PCDH15: variants seen among roughly 807,000 people sequenced by gnomAD.
The protein encoded by PCDH15 is protocadherin related 15, also known as protocadherin-15.
A neutral mutation model predicts 178.5 loss-of-function variants in PCDH15; 129 were observed. That is an observed-to-expected ratio of 0.72 (90% CI 0.63 to 0.84). The LOEUF (loss-of-function observed/expected upper bound fraction) is 0.84, where lower values mean the gene tolerates loss of function less well. Ranked by LOEUF, PCDH15 falls within the 40% of genes least tolerant of loss-of-function variation. The pLI is 0.00. For synonymous variants in PCDH15, 800 were observed against 732.0 expected (o/e 1.09, Z -1.50); for missense variants, 2,230 against 2,099.9 (o/e 1.06, Z -1.21).
At chr10:54,948,381 C>T (rs1436040897) in intron 2 of PCDH15, among the ~76,000 whole-genome samples, 2 of 151,888 alleles carry the variant, frequency 1.3e-5, no homozygotes, top group Non-Finnish European at 2.9e-5. Flanking sequence ...GAGGCCCACC[C>T]ACATTAGAGA....
At chr10:54,679,208 A>C (rs2094853540) in intron 1 of PCDH15, among the ~76,000 whole-genome samples, 5 of 151,660 alleles carry the variant, frequency 3.3e-5, no homozygotes, top group Admixed American at 3.3e-4. Context: ...AAAAAAAAAA[A>C]AAACATACAA....
chr10:54,219,392 C>T (rs2052514366), intron 9 of PCDH15, among the ~76,000 whole-genome samples: 1 of 150,522 alleles, frequency 6.6e-6, no homozygotes, highest in African/African-American at 2.4e-5. Flanking sequence ...AGATCGAGAC[C>T]ATCCTGGCTA....
At chr10:54,113,385 T>C (rs1389437487) in intron 15 of PCDH15, among the ~76,000 whole-genome samples, 2 of 152,182 alleles carry the variant, frequency 1.3e-5, no homozygotes, top group Admixed American at 6.5e-5. Context: ...CTCTACATCA[T>C]TCTCTGAGGC....
At chr10:53,837,954 T>C (rs531439354) in intron 29 of PCDH15, among the ~76,000 whole-genome samples, 6 of 122,338 alleles carry the variant, frequency 4.9e-5, no homozygotes, top group Admixed American at 3.6e-4. Flanking sequence ...TATAAACATA[T>C]ATTATTTATT....
At chr10:54,881,238 G>A (rs189508845) in intron 3 of PCDH15, among the ~76,000 whole-genome samples, 2 of 152,120 alleles carry the variant, frequency 1.3e-5, no homozygotes, top group Non-Finnish European at 2.9e-5. Flanking sequence ...ATTACTCAGC[G>A]GGGCCAGTAG....
chr10:54,705,101 A>T (rs1471077711), intron 1 of PCDH15, among the ~76,000 whole-genome samples: 1 of 152,152 alleles, frequency 6.6e-6, no homozygotes, highest in African/African-American at 2.4e-5. Context: ...GTTCTCACTT[A>T]TAAGTAGGAG....
intron 8 of PCDH15, among the ~76,000 whole-genome samples, chr10:54,254,761 G>A (rs1261904754): frequency 6.6e-6 from 1 of 152,182 alleles, no homozygotes; most frequent in Non-Finnish European, 1.5e-5. Flanking sequence ...TTTAACCACA[G>A]CAGGGTACTG....
intron 8 of PCDH15, among the ~76,000 whole-genome samples, chr10:54,245,781 G>C (rs1380361661): frequency 6.6e-6 from 1 of 151,916 alleles, no homozygotes; most frequent in Non-Finnish European, 1.5e-5. Flanking sequence ...TTGACAATAT[G>C]TATAGTATAG....
chr10:55,003,277 C>T (rs2131932653), intron 2 of PCDH15, among the ~76,000 whole-genome samples: 1 of 152,240 alleles, frequency 6.6e-6, no homozygotes, highest in Non-Finnish European at 1.5e-5. Context: ...CTCTGGAATG[C>T]AGTTTTCTGT....
At chr10:53,917,552 A>T (rs2083626872) in intron 25 of PCDH15, among the ~76,000 whole-genome samples, 1 of 152,212 alleles carries the variant, frequency 6.6e-6, no homozygotes, top group South Asian at 2.1e-4. Context: ...CATGGGCTGT[A>T]GTTATTGTCA....
chr10:55,306,336 T>G (rs1019980051), intron 1 of PCDH15, among the ~76,000 whole-genome samples: 1 of 152,238 alleles, frequency 6.6e-6, no homozygotes, highest in Non-Finnish European at 1.5e-5. Context: ...TGTTTTACAC[T>G]TGGGCTTTGC....
At chr10:54,288,643 A>G (rs1437771578) in intron 8 of PCDH15, among the ~76,000 whole-genome samples, 1 of 152,130 alleles carries the variant, frequency 6.6e-6, no homozygotes, top group Non-Finnish European at 1.5e-5. Context: ...ACCTGGAAAA[A>G]TGGGACACTC....
At chr10:54,197,493 T>C (rs961303178) in intron 10 of PCDH15, among the ~76,000 whole-genome samples, 2 of 152,106 alleles carry the variant, frequency 1.3e-5, no homozygotes, top group African/African-American at 4.8e-5. Context: ...TTTTGTTATG[T>C]TTTCCCCATT....
intron 17 of PCDH15, among the ~76,000 whole-genome samples, chr10:54,067,353 C>T (rs776657576): frequency 3.9e-5 from 6 of 152,096 alleles, no homozygotes; most frequent in East Asian, 3.9e-4. Context: ...CTCATGCTAT[C>T]GAAAAATGCT....
chr10:54,059,939 C>T (rs1277062976), intron 18 of PCDH15, among the ~76,000 whole-genome samples: 1 of 152,184 alleles, frequency 6.6e-6, no homozygotes, highest in Non-Finnish European at 1.5e-5. Context: ...CTAGAGCTGT[C>T]AGTCTATCCA....
At chr10:55,382,226 G>C (rs910798177) in intron 2 of PCDH15, among the ~76,000 whole-genome samples, 3 of 151,906 alleles carry the variant, frequency 2.0e-5, no homozygotes, top group African/African-American at 4.8e-5. Flanking sequence ...CCTCTGCCTT[G>C]GTAGGCAGAA....
intron 10 of PCDH15, among the ~76,000 whole-genome samples, chr10:54,204,437 T>C (rs1290333439): frequency 6.6e-6 from 1 of 151,976 alleles, no homozygotes; most frequent in East Asian, 1.9e-4. Flanking sequence ...GGTAAGGTGA[T>C]TAGTGACTAG....
intron 2 of PCDH15, among the ~76,000 whole-genome samples, chr10:54,991,247 G>A (rs1181293560): frequency 1.3e-5 from 2 of 152,088 alleles, no homozygotes; most frequent in African/African-American, 2.4e-5. Flanking sequence ...ACCAACCAAT[G>A]GGCATAATTT....
At chr10:55,455,903 T>C (rs1360785258) in intron 2 of PCDH15, among the ~76,000 whole-genome samples, 2 of 152,136 alleles carry the variant, frequency 1.3e-5, no homozygotes, top group African/African-American at 4.8e-5. Context: ...CAGGAAGCCA[T>C]CAACCTGAGG....
Sources: allele counts gnomAD v4.1 joint callset (sites outside exome capture counted in the v4.1 genomes callset), GRCh38; gene constraint gnomAD v4.1.1; transcripts MANE v1.5; gene names NCBI Gene and HGNC (gene_info 2026-07-23, HGNC 2026-07-21).